The following EDAR variants were observed in gnomAD, a reference collection of about 807,000 sequenced individuals.
EDAR encodes tumor necrosis factor receptor superfamily member EDAR.
EDAR carries 38 observed loss-of-function variants against 51.3 expected under a neutral mutation model. That is an observed-to-expected ratio of 0.74 (90% CI 0.57 to 0.97). The LOEUF (loss-of-function observed/expected upper bound fraction) is 0.97, where lower values mean the gene tolerates loss of function less well. Among genes scored for constraint, EDAR ranks in the 50% least tolerant of loss-of-function variants. The probability of loss-of-function intolerance (pLI) is 0.00; values close to 1 mark genes in which losing one functional copy is unlikely to be tolerated. For synonymous variants in EDAR, 227 were observed against 242.1 expected, an observed-to-expected ratio of 0.94 and a Z score of 0.58; for missense variants, 528 against 595.0, an observed-to-expected ratio of 0.89 and a Z score of 1.17.
intron 11 of EDAR, among the ~76,000 whole-genome samples, chr2:108,903,114 T>C (rs2105383130): frequency 6.6e-6 from 1 of 152,326 alleles, no homozygotes; most frequent in Non-Finnish European, 1.5e-5. Flanking sequence ...AATGAATGTA[T>C]GGCTACTGAA....
chr2:108,977,329 C>T (rs930951642), intron 1 of EDAR, among the ~76,000 whole-genome samples: 2 of 152,116 alleles, frequency 1.3e-5, no homozygotes, highest in Admixed American at 6.5e-5. Context: ...AATGCAGTGG[C>T]GCGATCTCGG....
At chr2:108,923,546 G>T in intron 4 of EDAR, 93 bp from the exon 5 acceptor site, 2 of 1,184,216 alleles carry the variant, frequency 1.7e-6, no homozygotes, top group Non-Finnish European at 1.3e-6. Context: ...CAGTCTGCAG[G>T]CCCACAATCA....
intron 1 of EDAR, among the ~76,000 whole-genome samples, chr2:108,987,500 G>A (rs1324616359): frequency 6.6e-6 from 1 of 152,246 alleles, no homozygotes; most frequent in Admixed American, 6.5e-5. Context: ...CTTCACAAAT[G>A]TGTATGCCCA....
chr2:108,974,058 G>A (rs144917294), intron 1 of EDAR, among the ~76,000 whole-genome samples: 2,619 of 152,042 alleles, frequency 0.017, 71 homozygotes, highest in African/African-American at 0.058. Context: ...GGTCAGGCGC[G>A]GTGGCTCACG....
At chr2:108,905,385 G>A (rs575437009) in intron 11 of EDAR, among the ~76,000 whole-genome samples, 12 of 152,326 alleles carry the variant, frequency 7.9e-5, no homozygotes, top group South Asian at 2.1e-4. Context: ...TGGGGCATGC[G>A]TTTATGGAGA....
rs1055999776 is a variant in EDAR, at chr2:108,896,664, T to C, written c.*243A>G. 1.9e-6 allele frequency: 1 copy of C among 539,586 alleles called. No individual in the cohort carries two copies. The highest frequency in any genetic ancestry group is 3.3e-6 in the Non-Finnish European group (1 of 301,390). 33.4% of individuals were successfully genotyped at this position (539,586 alleles called of 1,614,324 possible). ...CTGGTGGGCTGGCTGTATGAGTGAGTAGATATTTACTCTGCCTGGTGAGGT... is the reference window on the plus strand; with the variant it reads ...CTGGTGGGCTGGCTGTATGAGTGAGCAGATATTTACTCTGCCTGGTGAGGT... On this transcript the variant is annotated 3_prime_UTR_variant, in exon 12 of 12. Transcript: ENST00000258443.
Position 108,925,012 on chromosome 2 carries a change from C to A in EDAR, c.357-1559G>T, listed in dbSNP as rs1470094392. ...TCCCCATCTCACCTCCTCTGTGCCT[C>A]ACTTCCTCGCCCTTGCCTCCTCCAC... On this transcript the variant is annotated intron_variant, in intron 4 of 11. Transcript: ENST00000258443. Among the ~76,000 whole-genome samples, 3 of 152,372 alleles carry A rather than the reference C, an allele frequency of 2.0e-5. No individual in the cohort carries two copies. In the East Asian group the frequency reaches 5.8e-4, roughly 29 times the overall value.
At chr2:108,951,244 G>A (rs1444048156) in intron 1 of EDAR, among the ~76,000 whole-genome samples, 3 of 152,136 alleles carry the variant, frequency 2.0e-5, no homozygotes, top group African/African-American at 7.2e-5. Flanking sequence ...TCTCAATATC[G>A]GTCTTCTGCA....
intron 1 of EDAR, among the ~76,000 whole-genome samples, chr2:108,937,685 T>C (rs111357359): frequency 0.018 from 2,767 of 151,958 alleles, 88 homozygotes; most frequent in African/African-American, 0.063. Context: ...TAAGTGTATG[T>C]GATGTGTATG....
chr2:108,980,286 G>C (rs1698397552), intron 1 of EDAR, among the ~76,000 whole-genome samples: 1 of 152,024 alleles, frequency 6.6e-6, no homozygotes, highest in Non-Finnish European at 1.5e-5. Context: ...GGAGGCCCAG[G>C]TGAGTCACAT....
At chr2:108,942,085 G>T (rs1186893317) in intron 1 of EDAR, among the ~76,000 whole-genome samples, 2 of 152,242 alleles carry the variant, frequency 1.3e-5, no homozygotes, top group African/African-American at 2.4e-5. Context: ...AAGTGGACCT[G>T]CAGGTGTGTG....
At position 108,989,170 on chromosome 2, in the gene EDAR, G is replaced by A. The variant is rs533100442; in HGVS notation, c.-229C>T. The A allele has an allele frequency of 2.6e-5, 4 of 152,870 alleles. No homozygotes were observed. In the South Asian group the frequency reaches 6.2e-4, roughly 24 times the overall value. The allele number at this position is 152,870 out of a possible 1,614,324, so 9.5% of individuals were successfully genotyped here. A position where few individuals can be genotyped will look rare whatever the true frequency, so the allele number is the denominator to read the frequency against. On this transcript the variant is annotated 5_prime_UTR_variant, in exon 1 of 12. Transcript: ENST00000258443. Reference sequence around the variant, plus strand: ...TAGCCCCGCTTCCTTTCCGTTTAAAGGGCTTCCCGGGAACTCTTCCTTGAC... The same window carrying A: ...TAGCCCCGCTTCCTTTCCGTTTAAAAGGCTTCCCGGGAACTCTTCCTTGAC...
intron 4 of EDAR, among the ~76,000 whole-genome samples, chr2:108,928,115 T>A (rs746338124): frequency 2.0e-5 from 3 of 152,158 alleles, no homozygotes; most frequent in Non-Finnish European, 4.4e-5. Flanking sequence ...CCTGGTTCCA[T>A]CTGCTCCCTG....
intron 7 of EDAR, 24 bp downstream of exon 7, chr2:108,910,923 G>C: frequency 1.9e-6 from 3 of 1,614,096 alleles, no homozygotes; most frequent in Non-Finnish European, 2.5e-6. Context: ...AGGAAGCAGG[G>C]CACCGGCGCA....
intron 10 of EDAR, 111 bp downstream of exon 10, chr2:108,907,749 G>T: frequency 7.7e-7 from 1 of 1,304,076 alleles, no homozygotes; most frequent in Non-Finnish European, 1.1e-6. Flanking sequence ...TTGGACTTCT[G>T]GGAGAAACAC....
chr2:108,916,386 G>A (rs1461785573), intron 5 of EDAR, among the ~76,000 whole-genome samples: 1 of 152,168 alleles, frequency 6.6e-6, no homozygotes, highest in African/African-American at 2.4e-5. Context: ...GTGGTCTAGA[G>A]TGGGGCAATA....
chr2:108,981,449 T>C, intron 1 of EDAR, among the ~76,000 whole-genome samples: 1 of 152,168 alleles, frequency 6.6e-6, no homozygotes, highest in Non-Finnish European at 1.5e-5. Flanking sequence ...GCTGGCCAGG[T>C]CTGCTCTTGG....
intron 9 of EDAR, 112 bp downstream of exon 9, chr2:108,910,348 C>T (rs1391749763): frequency 1.2e-6 from 1 of 867,236 alleles, no homozygotes; most frequent in African/African-American, 1.6e-5. Flanking sequence ...CCGAACGTCC[C>T]CATAGTGTCC....
chr2:108,980,706 C>T (rs892924307), intron 1 of EDAR, among the ~76,000 whole-genome samples: 1 of 152,056 alleles, frequency 6.6e-6, no homozygotes, highest in African/African-American at 2.4e-5. Context: ...GAGCAAGACA[C>T]ACAGACATCT....
Sources: gnomAD v4.1 joint callset for allele counts (sites outside exome capture counted in the v4.1 genomes callset) on GRCh38, gnomAD v4.1.1 for gene constraint, MANE v1.5 for transcripts, NCBI Gene and HGNC (gene_info 2026-07-23, HGNC 2026-07-21) for gene names.